Variants in DHX9 observed in about 807,000 individuals in gnomAD.
The protein encoded by DHX9 is DExH-box helicase 9.
A neutral mutation model predicts 148.7 loss-of-function variants in DHX9; 27 were observed. The observed-to-expected ratio is 0.18, with a 90% confidence interval of 0.13 to 0.25. The LOEUF is 0.25. Among genes scored for constraint, DHX9 ranks in the 10% least tolerant of loss-of-function variants. The pLI, the probability that DHX9 is intolerant of heterozygous loss-of-function variation, is 1.00. For synonymous variants in DHX9, 529 were observed against 516.6 expected (o/e 1.02, Z -0.33); for missense variants, 796 against 1,559.6 (o/e 0.51, Z 8.25).
intron 3 of DHX9, among the ~76,000 whole-genome samples, chr1:182,845,970 T>C (rs560642933): frequency 6.6e-6 from 1 of 152,168 alleles, no homozygotes; most frequent in African/African-American, 2.4e-5. Flanking sequence ...TTATGGAAAC[T>C]TCATTATTCA....
intron 11 of DHX9, 123 bp downstream of exon 11, chr1:182,859,240 A>G (rs1264392274): frequency 1.3e-6 from 1 of 759,852 alleles, no homozygotes; most frequent in African/African-American, 1.8e-5. Context: ...ATATGTACCA[A>G]ACTGCTAATC....
chr1:182,880,008 G>A (rs576459081), intron 21 of DHX9, among the ~76,000 whole-genome samples: 2 of 152,328 alleles, frequency 1.3e-5, no homozygotes, highest in African/African-American at 4.8e-5. Flanking sequence ...ACAGGCAGGA[G>A]CCACTGTGTC....
At chr1:182,882,465 A>G (rs1571322704) in intron 24 of DHX9, among the ~76,000 whole-genome samples, 1 of 152,304 alleles carries the variant, frequency 6.6e-6, no homozygotes, top group Middle Eastern at 3.4e-3. Context: ...GATTATCTCC[A>G]TCTTCTCTAC....
At chr1:182,865,956 A>G (rs550095845) in intron 12 of DHX9, among the ~76,000 whole-genome samples, 3 of 152,330 alleles carry the variant, frequency 2.0e-5, no homozygotes, top group African/African-American at 4.8e-5. Flanking sequence ...GAGCTCATCA[A>G]AAACAGTGAT....
rs1017373689 is a variant in DHX9, at chr1:182,877,883, C to T, written c.2199-138C>T. The T allele has an allele frequency of 3.9e-5, 38 of 967,030 alleles. No homozygotes were observed. In the Admixed American group the frequency reaches 7.6e-4, roughly 19 times the overall value. The allele number at this position is 967,030 out of a possible 1,614,324, so 59.9% of individuals were successfully genotyped here. A position where few individuals can be genotyped will look rare whatever the true frequency, so the allele number is the denominator to read the frequency against. ...TTTGCAGTCAGATTGCTGATTCTTA[C>T]TTGTGCCATTCATGAATAGACATCA... is the stretch of plus-strand genomic sequence containing the variant. On this transcript the variant is annotated intron_variant, in intron 19 of 27. Coordinates refer to ENST00000367549, the MANE Select transcript of DHX9 (RefSeq NM_001357.5).
intron 27 of DHX9, among the ~76,000 whole-genome samples, chr1:182,885,929 C>A (rs1649300305): frequency 6.6e-6 from 1 of 152,156 alleles, no homozygotes; most frequent in South Asian, 2.1e-4. Context: ...CAAGGAGCCG[C>A]TGTGTATATA....
intron 1 of DHX9, among the ~76,000 whole-genome samples, chr1:182,840,467 T>C (rs1185260958): frequency 2.6e-5 from 4 of 151,970 alleles, no homozygotes; most frequent in Non-Finnish European, 5.9e-5. Context: ...GCCCAGCTAA[T>C]TTTTGTATTT....
chr1:182,864,671 G>A (rs1239883088), intron 12 of DHX9, among the ~76,000 whole-genome samples: 1 of 152,188 alleles, frequency 6.6e-6, no homozygotes, highest in Non-Finnish European at 1.5e-5. Context: ...ATGGGAAAGA[G>A]ATTGCGGGGT....
At chr1:182,839,482 A>G (rs1289907819) in intron 1 of DHX9, 26 bp downstream of exon 1, 1 of 153,420 alleles carries the variant, frequency 6.5e-6, no homozygotes, top group African/African-American at 2.4e-5. Context: ...TCCGGCTACC[A>G]TGCGGGGCGG....
At chr1:182,866,172 T>G (rs769346472) in intron 12 of DHX9, among the ~76,000 whole-genome samples, 20 of 152,196 alleles carry the variant, frequency 1.3e-4, no homozygotes, top group Non-Finnish European at 2.6e-4. Flanking sequence ...CCCCTACGTA[T>G]GCTGTGCCCT....
Position 182,872,543 on chromosome 1 carries a change from T to C in DHX9, c.1714+50T>C, listed in dbSNP as rs1399880917. ...AACATCTTTTGTGCAATAGGGTTTG[T>C]ATTTTCTTAATCCTGGAGATTGGAG... On this transcript the variant is annotated intron_variant, in intron 15 of 27. Transcript: ENST00000367549. 5 of 1,549,570 alleles carry C rather than the reference T, an allele frequency of 3.2e-6. No individual in the cohort carries two copies. The East Asian group carries it at 6.8e-5, about 21-fold the overall frequency.
chr1:182,844,251 T>C (rs1667985199), intron 3 of DHX9, among the ~76,000 whole-genome samples: 1 of 152,222 alleles, frequency 6.6e-6, no homozygotes, highest in Admixed American at 6.5e-5. Flanking sequence ...TGCACCTGGC[T>C]GACATGTCCT....
intron 19 of DHX9, 39 bp from the exon 20 acceptor site, chr1:182,877,982 A>G (rs1488201361): frequency 1.2e-6 from 2 of 1,610,664 alleles, no homozygotes; most frequent in South Asian, 1.1e-5. Context: ...TATTGATAAT[A>G]CACATGAGTC....
chr1:182,863,306 T>C (rs1486833793), intron 12 of DHX9, among the ~76,000 whole-genome samples: 1 of 152,176 alleles, frequency 6.6e-6, no homozygotes, highest in Non-Finnish European at 1.5e-5. Flanking sequence ...TTAGGCAAAA[T>C]AACCTTTTTG....
chr1:182,840,192 G>A (rs190627467), intron 1 of DHX9, among the ~76,000 whole-genome samples: 3 of 152,050 alleles, frequency 2.0e-5, no homozygotes, highest in East Asian at 1.9e-4. Flanking sequence ...GGTGGCAGGA[G>A]AGATGGGGAG....
chr1:182,879,157 A>G (rs1648968137), intron 20 of DHX9, 93 bp from the exon 21 acceptor site: 1 of 1,014,588 alleles, frequency 9.9e-7, no homozygotes, highest in Admixed American at 2.8e-5. Flanking sequence ...AGGAAAAGGC[A>G]GCTCTGTATC....
chr1:182,850,934 T>G (rs1297553917), intron 3 of DHX9, among the ~76,000 whole-genome samples: 1 of 152,162 alleles, frequency 6.6e-6, no homozygotes, highest in Non-Finnish European at 1.5e-5. Context: ...GACACCTCAA[T>G]TCTCATACGT....
At chr1:182,878,925 G>T (rs964280438) in intron 20 of DHX9, among the ~76,000 whole-genome samples, 1 of 152,214 alleles carries the variant, frequency 6.6e-6, no homozygotes, top group African/African-American at 2.4e-5. Flanking sequence ...TCTTGTTGTC[G>T]TTTTTAACCC....
chr1:182,885,710 C>T (rs1649288640), intron 27 of DHX9, among the ~76,000 whole-genome samples: 1 of 152,082 alleles, frequency 6.6e-6, no homozygotes, highest in South Asian at 2.1e-4. Context: ...CAGATAAGAC[C>T]CAAGGTCATA....
Sources: gnomAD v4.1 joint callset for allele counts (sites outside exome capture counted in the v4.1 genomes callset) on GRCh38, gnomAD v4.1.1 for gene constraint, MANE v1.5 for transcripts, NCBI Gene and HGNC (gene_info 2026-07-23, HGNC 2026-07-21) for gene names.